CC2D2B: variants seen among roughly 807,000 people sequenced by gnomAD.
CC2D2B encodes the protein protein CC2D2B.
In CC2D2B, 128 loss-of-function variants were observed where a neutral mutation model predicts 161.2. The observed-to-expected ratio is 0.79, with a 90% CI of 0.69 to 0.92. The LOEUF (loss-of-function observed/expected upper bound fraction) is 0.92, where lower values mean the gene tolerates loss of function less well. Ranked by LOEUF, CC2D2B falls within the 40% of genes least tolerant of loss-of-function variation. The pLI is 0.00. For synonymous variants in CC2D2B, 391 were observed against 449.8 expected, an observed-to-expected ratio of 0.87 and a Z score of 1.65; for missense variants, 1,173 against 1,375.1, an observed-to-expected ratio of 0.85 and a Z score of 2.32.
At chr10:95,994,632 C>T (rs2078158422) in intron 22 of CC2D2B, among the ~76,000 whole-genome samples, 1 of 152,180 alleles carries the variant, frequency 6.6e-6, no homozygotes, top group African/African-American at 2.4e-5. Flanking sequence ...ACTGGCGTTA[C>T]CGCTTGACCA....
chr10:95,920,600 A>G (rs1374710762), intron 2 of CC2D2B: 1 of 151,896 alleles, frequency 6.6e-6, no homozygotes, highest in Non-Finnish European at 1.5e-5. Context: ...TCCTTTCCTC[A>G]AGCAGAAGGT....
chr10:96,018,314 C>T (rs2079295840), intron 30 of CC2D2B, among the ~76,000 whole-genome samples: 1 of 152,150 alleles, frequency 6.6e-6, no homozygotes, highest in Non-Finnish European at 1.5e-5. Context: ...ACTTTTTATT[C>T]CTCAGACTGG....
intron 29 of CC2D2B, among the ~76,000 whole-genome samples, chr10:96,014,952 A>G (rs2079127666): frequency 6.6e-6 from 1 of 152,186 alleles, no homozygotes; most frequent in Non-Finnish European, 1.5e-5. Flanking sequence ...CAATGCTTCC[A>G]TAATGATTGG....
intron 6 of CC2D2B, among the ~76,000 whole-genome samples, chr10:95,936,849 G>T (rs2075839639): frequency 6.6e-6 from 1 of 152,152 alleles, no homozygotes; most frequent in African/African-American, 2.4e-5. Flanking sequence ...TCTGAAGGCA[G>T]GTGGAAAGCC....
intron 3 of CC2D2B, 93 bp from the exon 4 acceptor site, chr10:95,924,221 G>T (rs748510619): frequency 8.4e-6 from 5 of 597,078 alleles, no homozygotes; most frequent in Non-Finnish European, 1.4e-5. Flanking sequence ...AGAAATGCAT[G>T]CAATTAAAGA....
chr10:96,021,085 A>G (rs540045545), intron 32 of CC2D2B: 1 of 152,294 alleles, frequency 6.6e-6, no homozygotes, highest in East Asian at 1.9e-4. Context: ...TCACATGCAT[A>G]AAATTGGCAA....
At chr10:95,970,555 G>A (rs1453878622) in intron 15 of CC2D2B, among the ~76,000 whole-genome samples, 2 of 152,112 alleles carry the variant, frequency 1.3e-5, no homozygotes, top group Non-Finnish European at 2.9e-5. Context: ...CTGGCTCCTA[G>A]GAACCCTCAA....
rs574978696 is a variant in CC2D2B at position 95,907,989 on chromosome 10, C to G, written c.-92C>G. 1.3e-5 allele frequency: 2 copies of G among 152,480 alleles called. No individual in the cohort carries two copies. Among genetic ancestry groups the G allele is most frequent in the African/African-American group, 4.8e-5 (2 of 41,586 alleles). The allele number at this position is 152,480 out of a possible 1,614,324, so 9.4% of individuals were successfully genotyped here. Reference sequence around the variant, plus strand: ...TGCGGTGGGGCGGTTGGTGATCATCCTAGCCTGCGGTAGATGGTGCGCCCT... The same window carrying G: ...TGCGGTGGGGCGGTTGGTGATCATCGTAGCCTGCGGTAGATGGTGCGCCCT... On this transcript the variant is annotated 5_prime_UTR_variant, in exon 1 of 35. Coordinates refer to ENST00000646931, the MANE Select transcript of CC2D2B (RefSeq NM_001349008.3).
chr10:95,944,188 G>A (rs1046822894), intron 9 of CC2D2B, among the ~76,000 whole-genome samples: 1 of 152,114 alleles, frequency 6.6e-6, no homozygotes, highest in Non-Finnish European at 1.5e-5. Flanking sequence ...GATAAAGACT[G>A]ACAGAAGTTC....
At chr10:95,973,906 T>A in intron 16 of CC2D2B, 103 bp from the exon 17 acceptor site, 1 of 543,422 alleles carries the variant, frequency 1.8e-6, no homozygotes, top group Non-Finnish European at 2.8e-6. Flanking sequence ...AGATCTTCCT[T>A]TGTGTTCCTA....
chr10:95,932,473 G>A (rs565307084), intron 6 of CC2D2B, among the ~76,000 whole-genome samples: 6 of 152,264 alleles, frequency 3.9e-5, no homozygotes, highest in African/African-American at 1.4e-4. Context: ...TCTTCATAGT[G>A]TCAATGGTCT....
chr10:95,993,940 GTGTATGTATGTGTATATATA>G (rs1288536788), intron 22 of CC2D2B, among the ~76,000 whole-genome samples: 431 of 26,256 alleles, frequency 0.016, 15 homozygotes, highest in African/African-American at 0.075. Context: ...GTGTGTGTGT[GTGTATGTATGTGTATATATA>G]TATATATATA....
intron 16 of CC2D2B, 81 bp from the exon 17 acceptor site, chr10:95,973,928 G>C (rs2077229459): frequency 1.5e-6 from 1 of 682,672 alleles, no homozygotes. Context: ...AGTTCCACAA[G>C]TAAAACTCAG....
At chr10:95,998,108 G>C (rs1330824355) in intron 24 of CC2D2B, among the ~76,000 whole-genome samples, 1 of 151,114 alleles carries the variant, frequency 6.6e-6, no homozygotes, top group Non-Finnish European at 1.5e-5. Flanking sequence ...TAAATTAAGA[G>C]ACTTTATTTT....
At chr10:95,978,286 A>G (rs1031734961) in intron 17 of CC2D2B, among the ~76,000 whole-genome samples, 1 of 152,174 alleles carries the variant, frequency 6.6e-6, no homozygotes, top group African/African-American at 2.4e-5. Context: ...ATTTCTTCAA[A>G]TATTACTTCT....
chr10:95,974,564 C>G (rs2077249276), intron 17 of CC2D2B, among the ~76,000 whole-genome samples: 1 of 152,066 alleles, frequency 6.6e-6, no homozygotes, highest in South Asian at 2.1e-4. Context: ...TGTGGGATTA[C>G]TAGAAATAAG....
chr10:95,978,351 C>A (rs1266101895), intron 17 of CC2D2B, among the ~76,000 whole-genome samples: 1 of 151,976 alleles, frequency 6.6e-6, no homozygotes, highest in Admixed American at 6.6e-5. Context: ...TGTATTGGAG[C>A]CTCTTGGTCT....
chr10:96,012,841 A>C (rs1217802679), intron 28 of CC2D2B, 112 bp downstream of exon 28: 12 of 677,202 alleles, frequency 1.8e-5, no homozygotes, highest in African/African-American at 3.6e-5. Context: ...TGTCCTCAAA[A>C]TATTTGTACT....
intron 17 of CC2D2B, among the ~76,000 whole-genome samples, chr10:95,977,573 G>A (rs775999101): frequency 8.6e-5 from 13 of 151,936 alleles, no homozygotes; most frequent in Non-Finnish European, 1.3e-4. Flanking sequence ...CTTCATTCTC[G>A]ATTTACTTTT....
Sources: gnomAD v4.1 joint callset for allele counts (sites outside exome capture counted in the v4.1 genomes callset) on GRCh38, gnomAD v4.1.1 for gene constraint, MANE v1.5 for transcripts, NCBI Gene and HGNC (gene_info 2026-07-23, HGNC 2026-07-21) for gene names.